The following ANO3 variants were observed in gnomAD, a reference collection of about 807,000 sequenced individuals.
The protein encoded by ANO3 is anoctamin 3.
A neutral mutation model predicts 144.8 loss-of-function variants in ANO3; 99 were observed. The ratio of observed to expected loss-of-function variants is 0.68; its 90% CI spans 0.58 to 0.81. The LOEUF (loss-of-function observed/expected upper bound fraction) is 0.81, where lower values mean the gene tolerates loss of function less well. Ranked by LOEUF, ANO3 falls within the 30% of genes least tolerant of loss-of-function variation. ANO3 has a pLI of 0.00. For synonymous variants in ANO3, 414 were observed against 392.6 expected (o/e 1.05, Z -0.64); for missense variants, 905 against 1,202.2 (o/e 0.75, Z 3.66).
chr11:26,516,868 C>T lies in ANO3; in HGVS notation c.633C>T (p.His211=), dbSNP rs745955284. The T allele has an allele frequency of 6.2e-7, 1 of 1,611,820 alleles. No homozygotes were observed. Among genetic ancestry groups the T allele is most frequent in the South Asian group, 1.1e-5 (1 of 90,876 alleles). The change falls in exon 6 of 27, where the codon CAC becomes CAT. Residue 211 remains histidine, a synonymous_variant. Transcript: ENST00000256737. ...CCGATATCATGTTTATTAAAATTCACATTCCATGGGACACGCTGTGCAAGT... is the reference window on the plus strand; with the variant it reads ...CCGATATCATGTTTATTAAAATTCATATTCCATGGGACACGCTGTGCAAGT... ...ASPDIMFIKI[H]IPWDTLCKYA...
rs191397792 is a variant in ANO3 at position 26,252,690 on chromosome 11, G to A, written c.155-56955G>A. ...AACATAAACTCCTACTTATACATAT[G>A]AGTATGGACTGGACAGACCTACATA... On this transcript the variant is annotated intron_variant, in intron 1 of 27. Coordinates refer to the ANO3 transcript ENST00000672621. Among the ~76,000 whole-genome samples, 192 of 152,264 alleles carry A rather than the reference G, an allele frequency of 1.3e-3. 1 individual carries two copies. The highest frequency in any genetic ancestry group is 4.4e-3 in the African/African-American group (181 of 41,544).
chr11:26,582,766 T>C (rs1183762696), intron 14 of ANO3, among the ~76,000 whole-genome samples: 3 of 152,212 alleles, frequency 2.0e-5, no homozygotes, highest in Admixed American at 2.0e-4. Context: ...AAAGGCCAAC[T>C]GTATGGCATG....
intron 8 of ANO3, among the ~76,000 whole-genome samples, chr11:26,533,425 G>A (rs1033667036): frequency 3.3e-5 from 5 of 152,146 alleles, no homozygotes; most frequent in African/African-American, 9.7e-5. Context: ...TATACAAATT[G>A]ACAGATGATT....
At chr11:26,458,412 G>A (rs1203617708) in intron 3 of ANO3, among the ~76,000 whole-genome samples, 1 of 152,128 alleles carries the variant, frequency 6.6e-6, no homozygotes, top group Non-Finnish European at 1.5e-5. Context: ...AAAAATATCT[G>A]TGAGGGAGAG....
At chr11:26,646,064 T>G (rs1853335301) in intron 23 of ANO3, among the ~76,000 whole-genome samples, 1 of 152,182 alleles carries the variant, frequency 6.6e-6, no homozygotes, top group South Asian at 2.1e-4. Flanking sequence ...TTTATATTTC[T>G]CTTCTACCTC....
At chr11:26,639,014 G>A (rs1853058017) in intron 20 of ANO3, 130 bp from the exon 21 acceptor site, 10 of 610,958 alleles carry the variant, frequency 1.6e-5, no homozygotes, top group Non-Finnish European at 2.6e-5. Flanking sequence ...TTTCTTTCTT[G>A]TTTTTATTTT....
chr11:26,346,951 G>A (rs771216348), intron 1 of ANO3, among the ~76,000 whole-genome samples: 1 of 152,200 alleles, frequency 6.6e-6, no homozygotes, highest in Non-Finnish European at 1.5e-5. Context: ...CACAGCCATT[G>A]CCATTCTTAT....
At chr11:26,640,150 T>C (rs1853102163) in intron 21 of ANO3, among the ~76,000 whole-genome samples, 1 of 152,212 alleles carries the variant, frequency 6.6e-6, no homozygotes, top group Non-Finnish European at 1.5e-5. Context: ...GAGTATAGGC[T>C]GTGGAATTAC....
At chr11:26,245,444 T>A (rs1346219063) in intron 1 of ANO3, among the ~76,000 whole-genome samples, 1 of 152,218 alleles carries the variant, frequency 6.6e-6, no homozygotes, top group Non-Finnish European at 1.5e-5. Flanking sequence ...TAGCCACCTT[T>A]TAATTCTATC....
At chr11:26,378,029 T>G (rs1231310279) in intron 1 of ANO3, among the ~76,000 whole-genome samples, 1 of 151,900 alleles carries the variant, frequency 6.6e-6, no homozygotes, top group African/African-American at 2.4e-5. Context: ...AAAATAAAAT[T>G]TGAGGACAGT....
intron 9 of ANO3, among the ~76,000 whole-genome samples, chr11:26,535,881 C>A (rs532802126): frequency 2.0e-5 from 3 of 152,018 alleles, no homozygotes; most frequent in African/African-American, 7.2e-5. Context: ...CTGTGCCCGG[C>A]TGATAGCCAC....
At chr11:26,641,864 C>G in intron 21 of ANO3, 32 bp from the exon 22 acceptor site, 1 of 1,605,896 alleles carries the variant, frequency 6.2e-7, no homozygotes. Flanking sequence ...TGAATCAGAG[C>G]TCAAAAGTCC....
chr11:26,565,176 T>C lies in ANO3; in HGVS notation c.1447+5397T>C, dbSNP rs769451484. ...TCATTTATATTTACCTTTTTGGGGA[T>C]CTGACGTATTTGGAAAGAGTTTTGA... On this transcript the variant is annotated intron_variant, in intron 14 of 26. Transcript: ENST00000256737. The C allele has an allele frequency of 3.3e-6, 5 of 1,502,966 alleles. No homozygotes were observed. The Admixed American group carries it at 1.2e-4, about 35-fold the overall frequency. 93.1% of individuals were successfully genotyped at this position (1,502,966 alleles called of 1,614,324 possible). A position where few individuals can be genotyped will look rare whatever the true frequency, so the allele number is the denominator to read the frequency against.
intron 1 of ANO3, among the ~76,000 whole-genome samples, chr11:26,404,685 G>A (rs1482545383): frequency 1.3e-5 from 2 of 151,554 alleles, no homozygotes; most frequent in Non-Finnish European, 3.0e-5. Context: ...GTAAGGAGTC[G>A]AAGGGAGGGT....
intron 1 of ANO3, among the ~76,000 whole-genome samples, chr11:26,292,871 T>G (rs1853992016): frequency 6.6e-6 from 1 of 152,130 alleles, no homozygotes; most frequent in Non-Finnish European, 1.5e-5. Context: ...CCAGTTAGGC[T>G]ACTCATGGGT....
intron 1 of ANO3, among the ~76,000 whole-genome samples, chr11:26,420,078 T>C (rs1461363): frequency 0.98 from 148,748 of 152,080 alleles, 72,824 homozygotes; most frequent in Middle Eastern, 1. Context: ...TTTCTTCATG[T>C]ACCTTGATAT....
At chr11:26,503,236 T>C (rs1407895823) in intron 4 of ANO3, among the ~76,000 whole-genome samples, 3 of 152,164 alleles carry the variant, frequency 2.0e-5, no homozygotes, top group African/African-American at 4.8e-5. Flanking sequence ...CTAAATCAAA[T>C]GCACTCCACA....
rs1440511847 is a variant in ANO3 at position 26,544,269 on chromosome 11, T to C, written c.1154+2201T>C. 3.7e-3 allele frequency among the ~76,000 whole-genome samples: 282 copies of C among 76,932 alleles called. 7 individuals carry two copies. In the East Asian group the frequency reaches 0.037, roughly 10 times the overall value. 50.5% of individuals were successfully genotyped at this position (76,932 alleles called of 152,430 possible). A position where few individuals can be genotyped will look rare whatever the true frequency, so the allele number is the denominator to read the frequency against. On this transcript the variant is annotated intron_variant, in intron 11 of 26. Transcript: ENST00000256737. ...CATTATACATATATATATATATATA[T>C]ATATACACACATACACACACACACA...
Position 26,565,812 on chromosome 11 carries a change from G to C in ANO3, c.1447+6033G>C. 4 of 1,612,174 alleles carry C rather than the reference G, an allele frequency of 2.5e-6. No individual in the cohort carries two copies. The East Asian group carries it at 6.7e-5, about 27-fold the overall frequency. On this transcript the variant is annotated intron_variant, in intron 14 of 26. Coordinates refer to ENST00000256737, the MANE Select transcript of ANO3 (RefSeq NM_031418.4). The stretch of plus-strand genomic sequence containing the variant: ...TTTTCCATGGCTCCCCGATAGAAGT[G>C]AATAAAACAACGTTGAAATCAACAG...
Sources: gnomAD v4.1 joint callset for allele counts (sites outside exome capture counted in the v4.1 genomes callset) on GRCh38, gnomAD v4.1.1 for gene constraint, MANE v1.5 for transcripts, NCBI Gene and HGNC (gene_info 2026-07-23, HGNC 2026-07-21) for gene names.